NFATC2: variants seen among roughly 807,000 people sequenced by gnomAD.
NFATC2 encodes nuclear factor of activated T-cells, cytoplasmic 2.
NFATC2 carries 22 observed loss-of-function variants against 87.3 expected under a neutral mutation model. That is an observed-to-expected ratio of 0.25 (90% confidence interval 0.18 to 0.36). The LOEUF (loss-of-function observed/expected upper bound fraction) is 0.36, where lower values mean the gene tolerates loss of function less well. Ranked by LOEUF, NFATC2 falls within the 10% of genes least tolerant of loss-of-function variation. The pLI, the probability that NFATC2 is intolerant of heterozygous loss-of-function variation, is 1.00. For missense variants in NFATC2, 1,149 were observed against 1,259.1 expected, an observed-to-expected ratio of 0.91 and a Z score of 1.32; for synonymous variants, 565 against 542.2, an observed-to-expected ratio of 1.04 and a Z score of -0.58.
chr20:51,542,443 C>G lies in NFATC2; in HGVS notation c.57G>C (p.Glu19Asp). 1 of 1,593,240 alleles carries G rather than the reference C, an allele frequency of 6.3e-7. No individual in the cohort carries two copies. Among genetic ancestry groups the G allele is most frequent in the Non-Finnish European group, 8.5e-7 (1 of 1,171,114 alleles). The change falls in exon 1 of 11, where the codon GAG becomes GAC. Residue 19 changes from glutamate to aspartate, a missense_variant. Transcript: ENST00000371564. Reference protein sequence around the residue: ...QPDGGDAPGHEPGGSPQDELD... With the variant: ...QPDGGDAPGHDPGGSPQDELD... ...GCTCGTCTTGGGGGCTGCCCCCAGGCTCGTGGCCTGGGGCGTCCCCGCCGT... is the reference window on the plus strand; with the variant it reads ...GCTCGTCTTGGGGGCTGCCCCCAGGGTCGTGGCCTGGGGCGTCCCCGCCGT...
chr20:51,501,182 T>C (rs1288036623), intron 3 of NFATC2, among the ~76,000 whole-genome samples: 1 of 152,028 alleles, frequency 6.6e-6, no homozygotes, highest in African/African-American at 2.4e-5. Context: ...CCTCTATACC[T>C]TTGGCAGGTA....
chr20:51,457,834 A>G (rs1441615078), intron 5 of NFATC2, among the ~76,000 whole-genome samples: 1 of 151,474 alleles, frequency 6.6e-6, no homozygotes, highest in East Asian at 1.9e-4. Context: ...GCCCTGGCCA[A>G]TTAGAATGGG....
chr20:51,550,547 C>T (rs1191985281), intron 1 of NFATC2, among the ~76,000 whole-genome samples: 4 of 152,010 alleles, frequency 2.6e-5, no homozygotes, highest in South Asian at 4.1e-4. Flanking sequence ...GCCGAGATTG[C>T]GCCATTGTAC....
chr20:51,532,063 A>G (rs1031519463), intron 1 of NFATC2, among the ~76,000 whole-genome samples: 5 of 152,146 alleles, frequency 3.3e-5, no homozygotes, highest in African/African-American at 9.7e-5. Context: ...AAATCTTACT[A>G]AAGTGTTAGT....
At position 51,419,782 on chromosome 20, in the gene NFATC2, T is replaced by C. The variant is rs141886441; in HGVS notation, c.2722+12285A>G. On this transcript the variant is annotated intron_variant, in intron 9 of 10. Coordinates refer to ENST00000371564, the MANE Select transcript of NFATC2 (RefSeq NM_012340.5). ...CAGCTGGCATTCGAGAGGGATTTCA[T>C]GATTTCCCCTTCTCACGTGTAGGAG... Among the ~76,000 whole-genome samples, 503 of 152,312 alleles carry C rather than the reference T, an allele frequency of 3.3e-3. 1 individual carries two copies. The highest frequency in any genetic ancestry group is 0.012 in the African/African-American group (481 of 41,564).
chr20:51,437,741 A>G (rs1405186204), intron 6 of NFATC2, among the ~76,000 whole-genome samples: 1 of 152,220 alleles, frequency 6.6e-6, no homozygotes, highest in Non-Finnish European at 1.5e-5. Context: ...GGCTATGTTA[A>G]AAGGGAAAAG....
intron 4 of NFATC2, 108 bp from the exon 5 acceptor site, chr20:51,474,260 A>C (rs573209126): frequency 2.3e-6 from 3 of 1,329,170 alleles, no homozygotes; most frequent in Non-Finnish European, 3.1e-6. Flanking sequence ...ACTGCAATAC[A>C]CTCACATAAG....
chr20:51,550,858 T>C (rs1017926426), intron 1 of NFATC2, among the ~76,000 whole-genome samples: 1 of 152,222 alleles, frequency 6.6e-6, no homozygotes, highest in Non-Finnish European at 1.5e-5. Context: ...ACTGAACTCA[T>C]ATCGCTTTCA....
chr20:51,510,207 G>A (rs536334830), intron 3 of NFATC2, among the ~76,000 whole-genome samples: 1 of 152,196 alleles, frequency 6.6e-6, no homozygotes, highest in African/African-American at 2.4e-5. Flanking sequence ...GATGGATAAG[G>A]AATATACCAA....
intron 9 of NFATC2, among the ~76,000 whole-genome samples, chr20:51,418,105 A>C (rs1980300547): frequency 6.6e-6 from 1 of 152,212 alleles, no homozygotes; most frequent in Admixed American, 6.5e-5. Flanking sequence ...GTACTAGGGA[A>C]CAGGCGGTGC....
rs910684743 is a variant in NFATC2 at position 51,417,055 on chromosome 20, C to T, written c.2722+15012G>A. Among the ~76,000 whole-genome samples the T allele has an allele frequency of 1.3e-4, 20 of 152,130 alleles. 1 individual carries two copies. The highest frequency in any genetic ancestry group is 1.2e-3 in the Admixed American group (19 of 15,280). ...GGATAAATGCCCTATTCTCTTTATA[C>T]GTGGACTCAGAATCACTTCTCACAC... is the stretch of plus-strand genomic sequence containing the variant. On this transcript the variant is annotated intron_variant, in intron 9 of 10. Coordinates refer to ENST00000371564, the MANE Select transcript of NFATC2 (RefSeq NM_012340.5).
intron 10 of NFATC2, among the ~76,000 whole-genome samples, 196 bp downstream of exon 10, chr20:51,398,447 A>ACCCTGAGATTCTCAGGGAGGTCCC (rs1476341857): frequency 6.6e-6 from 1 of 152,066 alleles, no homozygotes; most frequent in Non-Finnish European, 1.5e-5. Context: ...CTCCCGCCCA[A>ACCCTGAGATTCTCAGGGAGGTCCC]CCCTGAGATT....
intron 9 of NFATC2, among the ~76,000 whole-genome samples, chr20:51,422,054 G>A (rs975409485): frequency 6.6e-6 from 1 of 152,210 alleles, no homozygotes; most frequent in African/African-American, 2.4e-5. Flanking sequence ...TTTGCCCAGA[G>A]TTTTGGAAAT....
intron 6 of NFATC2, among the ~76,000 whole-genome samples, chr20:51,452,398 C>T (rs1985911125): frequency 6.6e-6 from 1 of 152,190 alleles, no homozygotes; most frequent in Admixed American, 6.5e-5. Flanking sequence ...TCCCCTTCTC[C>T]CACTGGAGGC....
At chr20:51,465,421 A>G (rs1047424130) in intron 5 of NFATC2, among the ~76,000 whole-genome samples, 1 of 152,140 alleles carries the variant, frequency 6.6e-6, no homozygotes, top group Non-Finnish European at 1.5e-5. Flanking sequence ...TCAACCTCCT[A>G]CTTGGAACCC....
intron 5 of NFATC2, among the ~76,000 whole-genome samples, chr20:51,464,404 A>G (rs1987466752): frequency 6.6e-6 from 1 of 152,238 alleles, no homozygotes; most frequent in Non-Finnish European, 1.5e-5. Flanking sequence ...TAATCTCCCC[A>G]GGACTAAGCA....
intron 9 of NFATC2, among the ~76,000 whole-genome samples, chr20:51,408,576 T>C (rs950875046): frequency 2.0e-5 from 3 of 150,354 alleles, no homozygotes; most frequent in Non-Finnish European, 4.4e-5. Flanking sequence ...GAAAGATATT[T>C]ACAACACCAA....
chr20:51,396,582 C>T (rs1290466783), intron 10 of NFATC2, among the ~76,000 whole-genome samples: 1 of 152,108 alleles, frequency 6.6e-6, no homozygotes, highest in Non-Finnish European at 1.5e-5. Flanking sequence ...AGCCTGGGCC[C>T]AGCCACAAAG....
At chr20:51,546,032 C>T (rs1225656301), upstream of NFATC2, among the ~76,000 whole-genome samples, 1 of 152,122 alleles carries the variant, frequency 6.6e-6, no homozygotes, top group African/African-American at 2.4e-5. Flanking sequence ...TGGCAAGAAC[C>T]TAAATTCTTA....
Sources: allele counts gnomAD v4.1 joint callset (sites outside exome capture counted in the v4.1 genomes callset), GRCh38; gene constraint gnomAD v4.1.1; transcripts MANE v1.5; gene names NCBI Gene and HGNC (gene_info 2026-07-23, HGNC 2026-07-21).